The following ATP13A4 variants were observed in gnomAD, a reference collection of about 807,000 sequenced individuals.
ATP13A4 encodes probable cation-transporting ATPase 13A4.
A neutral mutation model predicts 142.5 loss-of-function variants in ATP13A4; 114 were observed. That is an observed-to-expected ratio of 0.80 (90% CI 0.69 to 0.93). The LOEUF is 0.93. Among genes scored for constraint, ATP13A4 ranks in the 40% least tolerant of loss-of-function variants. The probability of loss-of-function intolerance (pLI) is 0.00; values close to 1 mark genes in which losing one functional copy is unlikely to be tolerated. For synonymous variants in ATP13A4, 488 were observed against 514.8 expected, an observed-to-expected ratio of 0.95 and a Z score of 0.70; for missense variants, 1,392 against 1,454.0, an observed-to-expected ratio of 0.96 and a Z score of 0.69.
At chr3:193,556,920 G>T (rs1380047828), upstream of ATP13A4, among the ~76,000 whole-genome samples, 3 of 152,306 alleles carry the variant, frequency 2.0e-5, no homozygotes, top group African/African-American at 7.2e-5. Context: ...GTTGAGGAGT[G>T]TTAGTATGTG....
In ATP13A4 at chr3:193,466,183, C is replaced by A. The variant is rs368224762; in HGVS notation, c.1115-1G>T. 92 of 1,613,638 alleles carry A rather than the reference C, an allele frequency of 5.7e-5. No homozygotes were observed. The highest frequency in any genetic ancestry group is 7.5e-5 in the Non-Finnish European group (88 of 1,179,824). ...AGGTCTCCCTTTGCAGTGTTGAATC[C>A]TGGAACAACAAACACACACCCCACA... is the stretch of plus-strand genomic sequence containing the variant. On this transcript the variant is annotated splice_acceptor_variant, in intron 10 of 29. Transcript: ENST00000342695. LOFTEE classifies it high-confidence loss of function.
At chr3:193,506,657 T>G (rs1720877486) in intron 2 of ATP13A4, among the ~76,000 whole-genome samples, 1 of 152,190 alleles carries the variant, frequency 6.6e-6, no homozygotes, top group Non-Finnish European at 1.5e-5. Context: ...CCTCATGTCA[T>G]GGGAGGGACC....
At chr3:193,466,319 TA>T (rs1718284542) in intron 10 of ATP13A4, 137 bp from the exon 11 acceptor site, 2 of 1,079,618 alleles carry the variant, frequency 1.9e-6, no homozygotes, top group Non-Finnish European at 1.4e-6. Flanking sequence ...GAAAGATAAC[TA>T]GAAAAATACA....
intron 25 of ATP13A4, among the ~76,000 whole-genome samples, chr3:193,422,218 C>T (rs773681605): frequency 2.0e-5 from 3 of 149,492 alleles, no homozygotes; most frequent in South Asian, 2.1e-4. Flanking sequence ...CATTGAAGCA[C>T]GTAAATATAT....
upstream of ATP13A4, among the ~76,000 whole-genome samples, chr3:193,558,465 G>A (rs1482531360): frequency 6.6e-6 from 1 of 152,190 alleles, no homozygotes; most frequent in Non-Finnish European, 1.5e-5. Context: ...AGTATGCCCA[G>A]ATCTGTAATA....
intron 24 of ATP13A4, 45 bp from the exon 25 acceptor site, chr3:193,433,962 G>C (rs1389122571): frequency 1.5e-6 from 2 of 1,359,086 alleles, no homozygotes. Flanking sequence ...TGACCTTCTG[G>C]ATGAAATTAG....
At chr3:193,412,792 G>A (rs538101649) in intron 26 of ATP13A4, among the ~76,000 whole-genome samples, 7 of 128,576 alleles carry the variant, frequency 5.4e-5, no homozygotes, top group South Asian at 4.7e-4. Flanking sequence ...CTAGGAGGCC[G>A]AGGTGGTTCA....
At chr3:193,477,039 T>C (rs1719006242) in intron 8 of ATP13A4, among the ~76,000 whole-genome samples, 1 of 151,984 alleles carries the variant, frequency 6.6e-6, no homozygotes, top group African/African-American at 2.4e-5. Flanking sequence ...AATGTAGGAC[T>C]GTCAGAAATC....
chr3:193,414,698 C>A lies in ATP13A4; in HGVS notation c.2895G>T (p.Arg965=), dbSNP rs150429290. ...PKLVPFRPAG[R]LISPPLLLSV... ...AGAGTAGCAGAGGTGGAGAGATCAG[C>A]CGTCCTGCAGGTCTGAAAGGCACCA... The change falls in exon 26 of 30, where the codon CGG becomes CGT. Residue 965 remains arginine (R), a synonymous_variant. Transcript: ENST00000342695. 2.0e-4 allele frequency: 327 copies of A among 1,614,092 alleles called. No homozygotes were observed. The African/African-American group carries it at 4.0e-3, about 20-fold the overall frequency.
intron 8 of ATP13A4, among the ~76,000 whole-genome samples, chr3:193,479,472 C>CG (rs1472328780): frequency 1.3e-5 from 2 of 152,220 alleles, no homozygotes; most frequent in Admixed American, 1.3e-4. Flanking sequence ...TAGACACCAA[C>CG]AGTGACCAAG....
chr3:193,402,927 C>T (rs530117619), intron 29 of ATP13A4, 63 bp from the exon 30 acceptor site: 46 of 1,435,134 alleles, frequency 3.2e-5, no homozygotes, highest in Non-Finnish European at 4.3e-5. Flanking sequence ...TACAGCCCTC[C>T]ACAGGCCATC....
At chr3:193,575,082 T>G (rs1301841768) in intron 2 of ATP13A4, among the ~76,000 whole-genome samples, 1 of 152,216 alleles carries the variant, frequency 6.6e-6, no homozygotes, top group Admixed American at 6.5e-5. Context: ...GAGAATGGTC[T>G]GCTGTGAGGA....
At chr3:193,559,164 A>G (rs992984170), upstream of ATP13A4, among the ~76,000 whole-genome samples, 1 of 152,228 alleles carries the variant, frequency 6.6e-6, no homozygotes, top group Non-Finnish European at 1.5e-5. Context: ...AACTCACAGC[A>G]TATTACAAAT....
rs1717804878 is a variant in ATP13A4, at chr3:193,459,159, G to A, written c.1596C>T (p.Ser532=). The A allele has an allele frequency of 6.2e-7, 1 of 1,614,118 alleles. No homozygotes were observed. Among genetic ancestry groups the A allele is most frequent in the Admixed American group, 1.7e-5 (1 of 60,010 alleles). ...PWGPLCAAMA[S]CHSLILLDGT... is the part of the protein sequence containing the mutation. ...CATCAAGAAGGATCAGAGAGTGGCA[G>A]CTGGCCATCGCTGCACACAGTGGGC... The change falls in exon 14 of 30, where the codon AGC becomes AGT. Residue 532 remains serine (S), a synonymous_variant. Coordinates refer to ENST00000342695, the MANE Select transcript of ATP13A4 (RefSeq NM_032279.4).
chr3:193,503,741 C>A (rs1720690617), intron 2 of ATP13A4, among the ~76,000 whole-genome samples: 2 of 152,160 alleles, frequency 1.3e-5, no homozygotes, highest in Admixed American at 1.3e-4. Flanking sequence ...CTGTAGTACA[C>A]ATTCTTCTCT....
chr3:193,579,863 C>T (rs935744549), intron 2 of ATP13A4, among the ~76,000 whole-genome samples: 3 of 152,174 alleles, frequency 2.0e-5, no homozygotes, highest in Non-Finnish European at 2.9e-5. Context: ...AGTGCCCATA[C>T]GTTAACTAAT....
intron 1 of ATP13A4, among the ~76,000 whole-genome samples, chr3:193,533,638 G>A (rs529661062): frequency 2.0e-5 from 3 of 152,190 alleles, no homozygotes; most frequent in African/African-American, 7.2e-5. Context: ...AGGGGCGGCC[G>A]AGTAAGACAG....
intron 1 of ATP13A4, among the ~76,000 whole-genome samples, chr3:193,551,528 T>A (rs1215255651): frequency 6.6e-6 from 1 of 152,244 alleles, no homozygotes; most frequent in Non-Finnish European, 1.5e-5. Context: ...CCTTGGCTTT[T>A]CCTACCTTTA....
intron 1 of ATP13A4, among the ~76,000 whole-genome samples, chr3:193,551,771 C>T (rs1723583936): frequency 1.3e-5 from 2 of 152,344 alleles, no homozygotes; most frequent in South Asian, 2.1e-4. Flanking sequence ...GTTTCCTCCT[C>T]GAAGCCTTTC....
Sources: gnomAD v4.1 joint callset for allele counts (sites outside exome capture counted in the v4.1 genomes callset) on GRCh38, gnomAD v4.1.1 for gene constraint, MANE v1.5 for transcripts, NCBI Gene and HGNC (gene_info 2026-07-23, HGNC 2026-07-21) for gene names.